KCND2: variants seen among roughly 807,000 people sequenced by gnomAD.
KCND2 encodes potassium voltage-gated channel subfamily D member 2.
KCND2 carries 16 observed loss-of-function variants against 54.4 expected under a neutral mutation model. That is an observed-to-expected ratio of 0.29 (90% CI 0.20 to 0.45). The LOEUF (loss-of-function observed/expected upper bound fraction) is 0.45, where lower values mean the gene tolerates loss of function less well. Ranked by LOEUF, KCND2 falls within the 20% of genes least tolerant of loss-of-function variation. KCND2 has a pLI of 1.00. For synonymous variants in KCND2, 317 were observed against 310.7 expected (o/e 1.02, Z -0.21); for missense variants, 486 against 824.2 (o/e 0.59, Z 5.02).
chr7:120,555,740 G>A (rs1403285870), intron 1 of KCND2, among the ~76,000 whole-genome samples: 1 of 152,186 alleles, frequency 6.6e-6, no homozygotes, highest in Non-Finnish European at 1.5e-5. Flanking sequence ...GAACATTTAA[G>A]TCAGATTAAG....
At chr7:120,624,827 A>G (rs1584858902) in intron 1 of KCND2, among the ~76,000 whole-genome samples, 2 of 152,040 alleles carry the variant, frequency 1.3e-5, no homozygotes, top group East Asian at 3.9e-4. Context: ...TAAGTCAATC[A>G]AGTATCTTCC....
chr7:120,392,615 A>G (rs1029138397), intron 1 of KCND2, among the ~76,000 whole-genome samples: 6 of 151,846 alleles, frequency 4.0e-5, no homozygotes, highest in Non-Finnish European at 7.4e-5. Context: ...TTTTCTCTAG[A>G]CCATTTTATG....
intron 1 of KCND2, among the ~76,000 whole-genome samples, chr7:120,369,814 C>T (rs1235986319): frequency 3.9e-5 from 6 of 152,122 alleles, no homozygotes; most frequent in Non-Finnish European, 1.5e-5. Flanking sequence ...CCAGGCAGTA[C>T]CTAGTTACTT....
intron 1 of KCND2, among the ~76,000 whole-genome samples, chr7:120,539,267 A>C (rs1791950728): frequency 6.6e-6 from 1 of 152,318 alleles, no homozygotes; most frequent in East Asian, 1.9e-4. Context: ...GTTGATTTGC[A>C]TACTGCCTTG....
intron 1 of KCND2, among the ~76,000 whole-genome samples, chr7:120,426,909 C>T (rs896423288): frequency 3.3e-5 from 5 of 152,234 alleles, no homozygotes; most frequent in East Asian, 3.9e-4. Flanking sequence ...CATGAGCCAC[C>T]GCGCCCGGCC....
intron 1 of KCND2, among the ~76,000 whole-genome samples, chr7:120,597,489 T>G (rs1584847370): frequency 6.6e-6 from 1 of 152,198 alleles, no homozygotes; most frequent in African/African-American, 2.4e-5. Context: ...ATGGCTAGAA[T>G]GTCAGCTGAT....
At chr7:120,740,868 C>T (rs1321452869) in intron 2 of KCND2, 6 of 455,498 alleles carry the variant, frequency 1.3e-5, no homozygotes, top group Non-Finnish European at 2.6e-5. Flanking sequence ...GGACCCGTGC[C>T]GGTAGACAAA....
chr7:120,658,289 C>T (rs532983102), intron 1 of KCND2, among the ~76,000 whole-genome samples: 5 of 152,268 alleles, frequency 3.3e-5, no homozygotes, highest in Middle Eastern at 3.4e-3. Flanking sequence ...AAAATCTCTG[C>T]ATTTGTACTC....
chr7:120,572,903 C>T (rs1792383683), intron 1 of KCND2, among the ~76,000 whole-genome samples: 1 of 152,180 alleles, frequency 6.6e-6, no homozygotes, highest in Non-Finnish European at 1.5e-5. Context: ...CAATTCCAAA[C>T]ACACACATAT....
intron 1 of KCND2, among the ~76,000 whole-genome samples, chr7:120,636,396 A>T (rs965455039): frequency 2.0e-5 from 3 of 152,118 alleles, no homozygotes; most frequent in Admixed American, 2.0e-4. Flanking sequence ...TGAAATATTT[A>T]TGTTTGCACT....
intron 1 of KCND2, among the ~76,000 whole-genome samples, chr7:120,511,838 CATT>C (rs1252363638): frequency 1.3e-5 from 2 of 152,090 alleles, no homozygotes; most frequent in East Asian, 1.9e-4. Flanking sequence ...AGCTGTGCAT[CATT>C]GAGAGCATTT....
At chr7:120,337,184 G>A (rs535061669) in intron 1 of KCND2, among the ~76,000 whole-genome samples, 16 of 152,028 alleles carry the variant, frequency 1.1e-4, no homozygotes, top group Non-Finnish European at 2.2e-4. Context: ...AAGAGGAACT[G>A]GATAATATTG....
At chr7:120,312,506 A>G (rs1309031516) in intron 1 of KCND2, among the ~76,000 whole-genome samples, 1 of 152,206 alleles carries the variant, frequency 6.6e-6, no homozygotes, top group Non-Finnish European at 1.5e-5. Flanking sequence ...TACTGAGTTC[A>G]TGCAGCTAGC....
chr7:120,294,410 A>G (rs1189550191), intron 1 of KCND2, among the ~76,000 whole-genome samples: 4 of 151,858 alleles, frequency 2.6e-5, no homozygotes, highest in African/African-American at 7.2e-5. Context: ...ACCCTTGTTA[A>G]ATGGCTAAAC....
Position 120,275,072 on chromosome 7 carries a change from G to A in KCND2, c.440G>A (p.Arg147His), listed in dbSNP as rs1272908967. The part of the protein sequence containing the change: ...YKDRRRENAE[R>H]LQDDADTDTA... The stretch of plus-strand genomic sequence containing the variant: ...GATCGCAGGCGAGAGAACGCCGAGC[G>A]CCTGCAGGACGACGCGGATACCGAC... The change falls in exon 1 of 6, where the codon CGC (arginine) becomes CAC (histidine). Residue 147 changes from arginine to histidine, a missense_variant. This residue lies in a region of KCND2 where 231 missense variants were observed against 386.0 expected (regional missense o/e 0.60). Coordinates refer to ENST00000331113, the MANE Select transcript of KCND2 (RefSeq NM_012281.3). 2.5e-6 allele frequency: 4 copies of A among 1,613,764 alleles called. No homozygotes were observed. The highest frequency in any genetic ancestry group is 3.3e-5 in the Admixed American group (2 of 60,010).
chr7:120,318,097 G>T (rs1799839722), intron 1 of KCND2, among the ~76,000 whole-genome samples: 1 of 152,102 alleles, frequency 6.6e-6, no homozygotes, highest in Admixed American at 6.6e-5. Flanking sequence ...AGTAAATCTT[G>T]TCTAATTTTT....
At chr7:120,559,500 G>A (rs961201048) in intron 1 of KCND2, among the ~76,000 whole-genome samples, 1 of 152,154 alleles carries the variant, frequency 6.6e-6, no homozygotes, top group Non-Finnish European at 1.5e-5. Flanking sequence ...ACTCAGGGCT[G>A]AATATTAGCC....
chr7:120,610,859 C>A (rs1410167756), intron 1 of KCND2, among the ~76,000 whole-genome samples: 2 of 152,132 alleles, frequency 1.3e-5, no homozygotes, highest in South Asian at 2.1e-4. Flanking sequence ...CTTGGTAATG[C>A]AGATAAATGT....
intron 1 of KCND2, among the ~76,000 whole-genome samples, chr7:120,325,142 A>T (rs979934863): frequency 6.9e-6 from 1 of 145,654 alleles, no homozygotes; most frequent in East Asian, 2.0e-4. Flanking sequence ...ATTTTTGCAC[A>T]TTGATTTTGT....
Sources: gnomAD v4.1 joint callset for allele counts (sites outside exome capture counted in the v4.1 genomes callset) on GRCh38, gnomAD v4.1.1 for gene constraint, gnomAD v4.1.1 regional missense constraint, MANE v1.5 for transcripts, NCBI Gene and HGNC (gene_info 2026-07-23, HGNC 2026-07-21) for gene names.